CASD1: variants seen among roughly 807,000 people sequenced by gnomAD.
CASD1 encodes N-acetylneuraminate (7)9-O-acetyltransferase.
A neutral mutation model predicts 100.0 loss-of-function variants in CASD1; 41 were observed. The ratio of observed to expected loss-of-function variants is 0.41; its 90% CI spans 0.32 to 0.53. The LOEUF is 0.53. CASD1 is among the 20% of genes least tolerant of loss of function. The pLI is 0.25. For missense variants in CASD1, 774 were observed against 948.7 expected (o/e 0.82, Z 2.42); for synonymous variants, 321 against 315.6 (o/e 1.02, Z -0.18).
intron 8 of CASD1, among the ~76,000 whole-genome samples, chr7:94,535,882 G>A (rs1795092982): frequency 6.6e-6 from 1 of 152,140 alleles, no homozygotes; most frequent in African/African-American, 2.4e-5. Flanking sequence ...TAAACCTTAA[G>A]CTTTCAAGAT....
chr7:94,523,425 T>G lies in CASD1; in HGVS notation c.352-3737T>G, dbSNP rs576198972. Among the ~76,000 whole-genome samples the G allele has an allele frequency of 2.0e-5, 3 of 152,276 alleles. No individual in the cohort carries two copies. In the East Asian group the frequency reaches 5.8e-4, roughly 29 times the overall value. ...ATATCTACATGCCAACAATGTAAAG[T>G]TCTAAAGGCTTTTAAAATATACCGT... On this transcript the variant is annotated intron_variant, in intron 3 of 17. Coordinates refer to ENST00000297273, the MANE Select transcript of CASD1 (RefSeq NM_022900.5).
At chr7:94,629,095 CT>C in the CASD1 span, 1 of 151,936 alleles carries the variant, frequency 6.6e-6, no homozygotes, top group Non-Finnish European at 1.5e-5. Flanking sequence ...AGAAAATTCA[CT>C]TTTATTTGCT....
the CASD1 span, chr7:94,619,325 T>C: frequency 5.5e-6 from 1 of 182,054 alleles, no homozygotes; most frequent in African/African-American, 2.4e-5. Context: ...AAATCAATTA[T>C]ATGTCCAAAA....
Position 94,549,582 on chromosome 7 carries a change from A to G in CASD1, c.1763A>G (p.Glu588Gly). ...FSLWPLSKCF[E>G]LKGNVYEWWF... ...CTTTGGCCATTGTCCAAGTGTTTTG[A>G]ACTGAAAGGGAATGTATATGAATGG... is the stretch of plus-strand genomic sequence containing the variant. Residue 588 changes from glutamate to glycine, a missense_variant, in exon 14 of 18, where the codon GAA (glutamate) becomes GGA (glycine). Transcript: ENST00000297273. 6.2e-7 allele frequency: 1 copy of G among 1,611,360 alleles called. No homozygotes were observed. Among genetic ancestry groups the G allele is most frequent in the African/African-American group, 1.3e-5 (1 of 74,802 alleles).
At chr7:94,536,692 G>T (rs1795138622) in intron 8 of CASD1, among the ~76,000 whole-genome samples, 1 of 134,060 alleles carries the variant, frequency 7.5e-6, no homozygotes, top group Non-Finnish European at 1.8e-5. Flanking sequence ...CTCAAATCTT[G>T]ATTATTTTGA....
chr7:94,611,837 A>G, the CASD1 span, among the ~76,000 whole-genome samples: 27 of 152,138 alleles, frequency 1.8e-4, no homozygotes, highest in African/African-American at 6.5e-4. Flanking sequence ...AGGATTTAAG[A>G]CTCATTTGAA....
the CASD1 span, among the ~76,000 whole-genome samples, chr7:94,601,276 A>G: frequency 1.3e-5 from 2 of 151,756 alleles, no homozygotes; most frequent in South Asian, 4.2e-4. Context: ...GTATGCACGT[A>G]TGGTTTCTAA....
At chr7:94,540,731 G>A (rs997320635) in intron 10 of CASD1, among the ~76,000 whole-genome samples, 1 of 152,110 alleles carries the variant, frequency 6.6e-6, no homozygotes, top group Non-Finnish European at 1.5e-5. Flanking sequence ...TAAATCCAGA[G>A]ATTCTCTGAG....
the CASD1 span, chr7:94,629,948 T>G: frequency 7.5e-7 from 1 of 1,330,044 alleles, no homozygotes; most frequent in South Asian, 1.3e-5. Flanking sequence ...ATGTAGACAT[T>G]TCTGGAAAAA....
intron 1 of CASD1, among the ~76,000 whole-genome samples, chr7:94,513,728 A>G (rs1173920091): frequency 6.6e-6 from 1 of 152,216 alleles, no homozygotes; most frequent in Non-Finnish European, 1.5e-5. Flanking sequence ...CCTTTAAATC[A>G]TCAGAGCCTA....
At chr7:94,529,535 A>G (rs951125422) in intron 5 of CASD1, among the ~76,000 whole-genome samples, 1 of 152,164 alleles carries the variant, frequency 6.6e-6, no homozygotes, top group Non-Finnish European at 1.5e-5. Context: ...ACTCAGGAGT[A>G]TATATGGATG....
chr7:94,561,227 CAA>C (rs1028566814), downstream of CASD1, among the ~76,000 whole-genome samples: 2 of 152,038 alleles, frequency 1.3e-5, no homozygotes, highest in African/African-American at 4.8e-5. Flanking sequence ...GCCTGGGCAA[CAA>C]GAGCGAAACT....
At chr7:94,588,909 T>A in the CASD1 span, 1 of 654,590 alleles carries the variant, frequency 1.5e-6, no homozygotes, top group Non-Finnish European at 2.7e-6. Context: ...CTGAGGAGAA[T>A]AAAAATTAAC....
intron 3 of CASD1, among the ~76,000 whole-genome samples, chr7:94,522,813 A>G (rs1339435427): frequency 6.6e-6 from 1 of 151,922 alleles, no homozygotes; most frequent in Non-Finnish European, 1.5e-5. Flanking sequence ...GCCTGCCACC[A>G]CGCCCAGCTA....
At chr7:94,569,139 G>A in the CASD1 span, among the ~76,000 whole-genome samples, 1 of 152,096 alleles carries the variant, frequency 6.6e-6, no homozygotes, top group African/African-American at 2.4e-5. Context: ...TAAATTCCTA[G>A]GGTCCCTATG....
intron 3 of CASD1, among the ~76,000 whole-genome samples, chr7:94,526,532 T>A (rs2116262852): frequency 6.6e-6 from 1 of 152,344 alleles, no homozygotes; most frequent in Non-Finnish European, 1.5e-5. Flanking sequence ...ACATGCCTTG[T>A]AATCCCAGCA....
the CASD1 span, among the ~76,000 whole-genome samples, chr7:94,568,984 C>T: frequency 2.0e-5 from 3 of 152,014 alleles, no homozygotes; most frequent in Non-Finnish European, 1.5e-5. Flanking sequence ...CCCAAATGGA[C>T]TAAGAGGGGA....
downstream of CASD1, among the ~76,000 whole-genome samples, chr7:94,560,352 T>C (rs1796319920): frequency 2.0e-5 from 3 of 152,170 alleles, no homozygotes; most frequent in South Asian, 6.2e-4. Context: ...TATCCCCACC[T>C]CTAGACCCTG....
At chr7:94,530,082 A>G (rs954100249) in intron 5 of CASD1, among the ~76,000 whole-genome samples, 1 of 152,184 alleles carries the variant, frequency 6.6e-6, no homozygotes, top group African/African-American at 2.4e-5. Context: ...TAACACATAC[A>G]GATACTTAAG....
Sources: allele counts gnomAD v4.1 joint callset (sites outside exome capture counted in the v4.1 genomes callset), GRCh38; gene constraint gnomAD v4.1.1; transcripts MANE v1.5; gene names NCBI Gene and HGNC (gene_info 2026-07-23, HGNC 2026-07-21).